The following ANK3 variants were observed in gnomAD, a reference collection of about 807,000 sequenced individuals.
ANK3 encodes ankyrin 3.
Under a neutral mutation model 370.9 loss-of-function variants are expected in ANK3, and 57 were observed. The observed-to-expected ratio is 0.15, with a 90% CI of 0.12 to 0.19. The LOEUF (loss-of-function observed/expected upper bound fraction) is 0.19. Ranked by LOEUF, ANK3 falls within the 10% of genes least tolerant of loss-of-function variation. ANK3 has a pLI of 1.00. For missense variants in ANK3, 4,439 were observed against 5,302.1 expected (o/e 0.84, Z 5.06); for synonymous variants, 1,929 against 1,946.3 (o/e 0.99, Z 0.23).
chr10:60,337,191 C>T (rs1279457809), intron 1 of ANK3, among the ~76,000 whole-genome samples: 1 of 152,102 alleles, frequency 6.6e-6, no homozygotes, highest in East Asian at 1.9e-4. Flanking sequence ...TAACAATGAA[C>T]TTTAAAGTCC....
At chr10:60,537,532 CAG>C (rs1555388596) in intron 2 of ANK3, among the ~76,000 whole-genome samples, 1 of 151,792 alleles carries the variant, frequency 6.6e-6, no homozygotes, top group Non-Finnish European at 1.5e-5. Flanking sequence ...CCTAATTATT[CAG>C]AGTCACTCTT....
rs113992785 is a variant in ANK3, at chr10:60,689,883, T to C, written c.57+43380A>G. ...AAAGAGTACAAAATTGTATGTATAG[T>C]ATAAACACAGTTATATGATGTTTGA... On this transcript the variant is annotated intron_variant, in intron 1 of 43. Transcript: ENST00000373827. Among the ~76,000 whole-genome samples the C allele has an allele frequency of 9.9e-4, 151 of 152,292 alleles. 1 individual carries two copies. The highest frequency in any genetic ancestry group is 6.8e-3 in the Middle Eastern group (2 of 294).
At chr10:60,420,441 A>C (rs940434928) in intron 2 of ANK3, among the ~76,000 whole-genome samples, 3 of 152,044 alleles carry the variant, frequency 2.0e-5, no homozygotes, top group African/African-American at 7.2e-5. Context: ...GAAGAGAGAG[A>C]ATGACCCCAG....
chr10:60,225,851 A>G (rs2097131021), intron 8 of ANK3, among the ~76,000 whole-genome samples: 1 of 151,552 alleles, frequency 6.6e-6, no homozygotes, highest in South Asian at 2.1e-4. Flanking sequence ...ATTATTTAGT[A>G]TACTAATCAT....
chr10:60,291,989 A>G (rs2041514795), intron 1 of ANK3, among the ~76,000 whole-genome samples: 1 of 152,206 alleles, frequency 6.6e-6, no homozygotes, highest in African/African-American at 2.4e-5. Context: ...TTGGGATTAC[A>G]AGTGTGAGCC....
intron 2 of ANK3, among the ~76,000 whole-genome samples, chr10:60,395,844 A>C (rs1258987742): frequency 6.6e-6 from 1 of 152,132 alleles, no homozygotes; most frequent in African/African-American, 2.4e-5. Context: ...AAGGACACCA[A>C]TAATTAGAAC....
chr10:60,272,711 C>T (rs1314918444), intron 4 of ANK3, among the ~76,000 whole-genome samples: 1 of 152,136 alleles, frequency 6.6e-6, no homozygotes, highest in Non-Finnish European at 1.5e-5. Flanking sequence ...ATCTCCTGAC[C>T]TCATGTTCCA....
intron 2 of ANK3, among the ~76,000 whole-genome samples, chr10:60,460,769 A>G (rs2064863948): frequency 6.6e-6 from 1 of 152,164 alleles, no homozygotes; most frequent in African/African-American, 2.4e-5. Context: ...AGACACTAAC[A>G]ACTCAATGCA....
intron 12 of ANK3, 102 bp from the exon 13 acceptor site, chr10:60,200,329 A>G (rs982806336): frequency 1.6e-5 from 14 of 874,484 alleles, no homozygotes; most frequent in Admixed American, 6.0e-5. Flanking sequence ...AAAATAAAAA[A>G]TAGTCCTAAG....
chr10:60,614,957 C>T (rs1336680012), intron 2 of ANK3, among the ~76,000 whole-genome samples: 1 of 152,102 alleles, frequency 6.6e-6, no homozygotes, highest in Non-Finnish European at 1.5e-5. Flanking sequence ...AAGGAATTAT[C>T]CTACCATGAG....
At chr10:60,299,484 A>G (rs1474637194) in intron 1 of ANK3, among the ~76,000 whole-genome samples, 1 of 152,180 alleles carries the variant, frequency 6.6e-6, no homozygotes, top group African/African-American at 2.4e-5. Flanking sequence ...TTTAAACACA[A>G]TATTCAGGAA....
chr10:60,227,389 T>C (rs984938812), intron 8 of ANK3, among the ~76,000 whole-genome samples: 2 of 152,062 alleles, frequency 1.3e-5, no homozygotes, highest in South Asian at 2.1e-4. Context: ...ACTCTTTGTG[T>C]GATATGACTC....
At position 60,071,235 on chromosome 10, in the gene ANK3, T is replaced by C. The variant is rs753530916; in HGVS notation, c.9646A>G (p.Thr3216Ala). ...TCCACTGTAGTCTGCTTAAGGGAGGTTGACTTGGCCTGTTCCTCCTCCTCT... is the reference window on the plus strand; with the variant it reads ...TCCACTGTAGTCTGCTTAAGGGAGGCTGACTTGGCCTGTTCCTCCTCCTCT... ...ESEEEEQAKSTSLKQTTVEET... is the reference protein window; with the variant it reads ...ESEEEEQAKSASLKQTTVEET... Residue 3216 changes from threonine (T) to alanine (A), a missense_variant, in exon 37 of 44, where the codon ACC becomes GCC. Thr to Ala is a moderately conservative substitution (Grantham distance 58, BLOSUM62 0). This residue lies in a region of ANK3 where 1,601 missense variants were observed against 1,731.7 expected (regional missense o/e 0.92). Coordinates refer to ENST00000280772, the MANE Select transcript of ANK3 (RefSeq NM_020987.5). The C allele has an allele frequency of 1.7e-5, 27 of 1,613,924 alleles. No individual in the cohort carries two copies. The African/African-American group carries it at 2.1e-4, about 13-fold the overall frequency.
At chr10:60,152,500 G>A (rs930628934) in intron 23 of ANK3, among the ~76,000 whole-genome samples, 1 of 152,116 alleles carries the variant, frequency 6.6e-6, no homozygotes, top group African/African-American at 2.4e-5. Flanking sequence ...AAAAGCATAA[G>A]TGAAAGGAGA....
chr10:60,713,880 GAAA>G (rs2132017332), intron 1 of ANK3, among the ~76,000 whole-genome samples: 1 of 150,674 alleles, frequency 6.6e-6, no homozygotes, highest in Non-Finnish European at 1.5e-5. Context: ...AAAAGAAAAA[GAAA>G]AAGAAAAATT....
chr10:60,593,138 A>G (rs903633382), intron 2 of ANK3, among the ~76,000 whole-genome samples: 4 of 152,246 alleles, frequency 2.6e-5, no homozygotes, highest in African/African-American at 9.6e-5. Flanking sequence ...CCTTAAAGAT[A>G]ATTAGCAGTG....
At chr10:60,551,405 C>T (rs576840595) in intron 2 of ANK3, among the ~76,000 whole-genome samples, 2 of 152,212 alleles carry the variant, frequency 1.3e-5, no homozygotes, top group South Asian at 4.1e-4. Flanking sequence ...CTCTTACTTA[C>T]AAATTTAAAT....
chr10:60,542,055 A>G (rs1040986092), intron 2 of ANK3, among the ~76,000 whole-genome samples: 7 of 151,924 alleles, frequency 4.6e-5, no homozygotes, highest in Non-Finnish European at 1.0e-4. Context: ...TGCTTGAGCC[A>G]AGAAACATCC....
At chr10:60,078,832 C>G (rs1378746502) in intron 36 of ANK3, among the ~76,000 whole-genome samples, 1 of 152,118 alleles carries the variant, frequency 6.6e-6, no homozygotes, top group Non-Finnish European at 1.5e-5. Flanking sequence ...TGTTTACCAC[C>G]CTTATGTACC....
Sources: gnomAD v4.1 joint callset for allele counts (sites outside exome capture counted in the v4.1 genomes callset) on GRCh38, gnomAD v4.1.1 for gene constraint, gnomAD v4.1.1 regional missense constraint, MANE v1.5 for transcripts, NCBI Gene and HGNC (gene_info 2026-07-23, HGNC 2026-07-21) for gene names.